GLT8D2: variants seen among roughly 807,000 people sequenced by gnomAD.
GLT8D2 encodes glycosyltransferase 8 domain-containing protein 2.
GLT8D2 carries 45 observed loss-of-function variants against 44.5 expected under a neutral mutation model. The ratio of observed to expected loss-of-function variants is 1.01; its 90% CI spans 0.80 to 1.30. The LOEUF (loss-of-function observed/expected upper bound fraction) is 1.30, where lower values mean the gene tolerates loss of function less well. Among genes scored for constraint, GLT8D2 ranks in the 50% most tolerant of loss-of-function variants. The probability of loss-of-function intolerance (pLI) is 0.00; values close to 1 mark genes in which losing one functional copy is unlikely to be tolerated. For missense variants in GLT8D2, 400 were observed against 430.4 expected (o/e 0.93, Z 0.62); for synonymous variants, 156 against 157.2 (o/e 0.99, Z 0.06).
chr12:104,015,084 A>G lies in GLT8D2; in HGVS notation c.41T>C (p.Leu14Pro). 1.2e-6 allele frequency: 2 copies of G among 1,613,668 alleles called. No individual in the cohort carries two copies. Among genetic ancestry groups the G allele is most frequent in the Non-Finnish European group, 1.7e-6 (2 of 1,179,642 alleles). Residue 14 changes from leucine (L) to proline (P), a missense_variant, in exon 4 of 11, where the codon CTT (leucine) becomes CCT (proline). Leu to Pro is a moderately conservative substitution (Grantham distance 98). Transcript: ENST00000360814. ...LRKINQVLLF[L>P]LIVTLCVILY... is the part of the protein sequence containing the mutation. ...AATCACACAGAGGGTCACGATCAGA[A>G]GGAACAGCAGCACCTGATTAACTGA...
chr12:104,043,336 T>A (rs1880759787), intron 1 of GLT8D2, among the ~76,000 whole-genome samples: 1 of 152,194 alleles, frequency 6.6e-6, no homozygotes, highest in South Asian at 2.1e-4. Flanking sequence ...TCACATGGAT[T>A]CCAGACTCCA....
intron 1 of GLT8D2, among the ~76,000 whole-genome samples, chr12:104,027,911 T>A (rs1284395366): frequency 6.6e-6 from 1 of 152,194 alleles, no homozygotes; most frequent in Non-Finnish European, 1.5e-5. Flanking sequence ...GGGGTCCAGA[T>A]AACAGATTTC....
chr12:104,060,295 C>T (rs1882530165), intron 1 of GLT8D2, among the ~76,000 whole-genome samples: 1 of 152,154 alleles, frequency 6.6e-6, no homozygotes, highest in Non-Finnish European at 1.5e-5. Context: ...TTTTCCATCC[C>T]TCTTCTCCAA....
At chr12:104,033,614 TA>T (rs1481366454) in intron 1 of GLT8D2, among the ~76,000 whole-genome samples, 3 of 152,152 alleles carry the variant, frequency 2.0e-5, no homozygotes, top group African/African-American at 7.2e-5. Flanking sequence ...ATGTATTGTA[TA>T]CTTGAAATCT....
intron 1 of GLT8D2, among the ~76,000 whole-genome samples, chr12:104,028,633 T>C (rs1020965110): frequency 6.6e-6 from 1 of 152,212 alleles, no homozygotes; most frequent in African/African-American, 2.4e-5. Flanking sequence ...ATGTCTGTAA[T>C]ACCATTTTAC....
intron 1 of GLT8D2, chr12:104,031,562 C>T: frequency 5.6e-6 from 9 of 1,610,754 alleles, no homozygotes; most frequent in Non-Finnish European, 7.6e-6. Context: ...GGGGAAGATA[C>T]TGTCCCCAGG....
chr12:104,061,640 T>A (rs879728198), intron 1 of GLT8D2, among the ~76,000 whole-genome samples: 2 of 152,262 alleles, frequency 1.3e-5, no homozygotes, highest in Non-Finnish European at 2.9e-5. Context: ...TTCGCAGACA[T>A]CTTATTTCTC....
intron 5 of GLT8D2, among the ~76,000 whole-genome samples, chr12:104,002,767 G>C (rs1223347423): frequency 6.6e-6 from 1 of 152,014 alleles, no homozygotes; most frequent in East Asian, 1.9e-4. Context: ...AACAAAGAGA[G>C]ACTCGCTCTC....
chr12:104,022,749 TACACAC>T (rs10690249), intron 1 of GLT8D2, among the ~76,000 whole-genome samples: 1 of 149,772 alleles, frequency 6.7e-6, no homozygotes, highest in Non-Finnish European at 1.5e-5. Context: ...CAGGAGATTC[TACACAC>T]ACACACACAC....
At chr12:104,011,405 C>T (rs1368271199) in intron 4 of GLT8D2, among the ~76,000 whole-genome samples, 2 of 152,204 alleles carry the variant, frequency 1.3e-5, no homozygotes, top group Admixed American at 1.3e-4. Flanking sequence ...GATCAAGCCA[C>T]GCCTATTCCT....
At chr12:104,048,394 A>C (rs1881393882) in intron 1 of GLT8D2, among the ~76,000 whole-genome samples, 1 of 152,202 alleles carries the variant, frequency 6.6e-6, no homozygotes, top group African/African-American at 2.4e-5. Flanking sequence ...TGCGATCTCT[A>C]AGAGGGTAAT....
chr12:104,016,396 G>A (rs1384285357), intron 3 of GLT8D2, among the ~76,000 whole-genome samples: 2 of 152,056 alleles, frequency 1.3e-5, no homozygotes, highest in Admixed American at 1.3e-4. Flanking sequence ...CAGCACTTTG[G>A]GAGGCCAAGG....
rs1182325383 is a variant in GLT8D2 at position 104,038,034 on chromosome 12, C to T, written c.-164+11861G>A. Among the ~76,000 whole-genome samples, 3 of 152,086 alleles carry T rather than the reference C, an allele frequency of 2.0e-5. No individual in the cohort carries two copies. The South Asian group carries it at 6.2e-4, about 32-fold the overall frequency. ...TAATCCATCACATAAACAGAACCAA[C>T]AACAAAAACCACATGATTATTTCAA... On this transcript the variant is annotated intron_variant, in intron 1 of 10. Coordinates refer to ENST00000360814, the MANE Select transcript of GLT8D2 (RefSeq NM_001384711.1).
chr12:104,062,723 T>C (rs1328292741), intron 1 of GLT8D2, among the ~76,000 whole-genome samples: 1 of 149,944 alleles, frequency 6.7e-6, no homozygotes, highest in Non-Finnish European at 1.5e-5. Context: ...GATCCTTCTG[T>C]CTCAGCCTCC....
chr12:104,063,539 AAAAT>A (rs1051941811), intron 1 of GLT8D2, among the ~76,000 whole-genome samples: 4 of 152,220 alleles, frequency 2.6e-5, no homozygotes, highest in African/African-American at 9.6e-5. Context: ...GACCCTATCT[AAAAT>A]AAATAAATAA....
At chr12:104,036,747 A>C (rs894830152) in intron 1 of GLT8D2, among the ~76,000 whole-genome samples, 1 of 152,162 alleles carries the variant, frequency 6.6e-6, no homozygotes, top group Admixed American at 6.5e-5. Flanking sequence ...ATATTAGACA[A>C]ATCAATGAGA....
At chr12:104,057,841 A>C (rs1882311858) in intron 1 of GLT8D2, among the ~76,000 whole-genome samples, 1 of 151,970 alleles carries the variant, frequency 6.6e-6, no homozygotes, top group East Asian at 1.9e-4. Flanking sequence ...CCCCCTTGCT[A>C]GGTCACTGCC....
chr12:104,007,868 A>T (rs1053244319), intron 4 of GLT8D2, among the ~76,000 whole-genome samples: 3 of 152,182 alleles, frequency 2.0e-5, no homozygotes, highest in Admixed American at 1.3e-4. Context: ...AATAAGTCTC[A>T]TGAGATCTGG....
At chr12:104,013,283 A>T (rs775632013) in intron 4 of GLT8D2, among the ~76,000 whole-genome samples, 6 of 152,192 alleles carry the variant, frequency 3.9e-5, no homozygotes, top group Non-Finnish European at 5.9e-5. Flanking sequence ...GAAATTTCAT[A>T]TAGATGGAAT....
Sources: allele counts gnomAD v4.1 joint callset (sites outside exome capture counted in the v4.1 genomes callset), GRCh38; gene constraint gnomAD v4.1.1; transcripts MANE v1.5; gene names NCBI Gene and HGNC (gene_info 2026-07-23, HGNC 2026-07-21).